MGRN1: variants seen among roughly 807,000 people sequenced by gnomAD.
MGRN1 encodes mahogunin ring finger 1.
In MGRN1, 29 loss-of-function variants were observed where a neutral mutation model predicts 69.2. That is an observed-to-expected ratio of 0.42 (90% CI 0.31 to 0.57). The LOEUF is 0.57. Among genes scored for constraint, MGRN1 ranks in the 20% least tolerant of loss-of-function variants. MGRN1 has a pLI of 0.15. For synonymous variants in MGRN1, 470 were observed against 344.2 expected (o/e 1.37, Z -4.04); for missense variants, 998 against 796.2 (o/e 1.25, Z -3.05).
At chr16:4,630,173 G>A (rs1897926041) in intron 1 of MGRN1, among the ~76,000 whole-genome samples, 1 of 151,546 alleles carries the variant, frequency 6.6e-6, no homozygotes, top group African/African-American at 2.4e-5. Context: ...GCAACATGGT[G>A]AAACTCCATG....
At chr16:4,686,644 A>T in intron 16 of MGRN1, 2 of 1,127,990 alleles carry the variant, frequency 1.8e-6, no homozygotes, top group Non-Finnish European at 2.2e-6. Context: ...GCCACTGTCC[A>T]CTGCGGGAGG....
intron 16 of MGRN1, chr16:4,688,312 C>T: frequency 2.0e-6 from 2 of 987,352 alleles, no homozygotes; most frequent in Non-Finnish European, 1.2e-6. Flanking sequence ...CTGTGGGAGG[C>T]TCCTCTCTTT....
At chr16:4,686,474 C>G in intron 16 of MGRN1, 2 of 1,393,198 alleles carry the variant, frequency 1.4e-6, no homozygotes, top group Non-Finnish European at 1.9e-6. Flanking sequence ...GGCTGCTGCA[C>G]CTTCCCCCAG....
At chr16:4,654,713 C>T (rs2078491101) in intron 4 of MGRN1, among the ~76,000 whole-genome samples, 1 of 152,256 alleles carries the variant, frequency 6.6e-6, no homozygotes, top group African/African-American at 2.4e-5. Context: ...ACCATGTGTC[C>T]TGTGCACAGC....
intron 16 of MGRN1, among the ~76,000 whole-genome samples, chr16:4,684,178 C>T (rs1437084859): frequency 2.0e-5 from 3 of 152,264 alleles, no homozygotes; most frequent in Admixed American, 2.0e-4. Flanking sequence ...AGCCCCTTCC[C>T]TCCCTGGGGC....
At position 4,679,895 on chromosome 16, in the gene MGRN1, C is replaced by T. The variant is rs1052960333; in HGVS notation, c.1066-137C>T. On this transcript the variant is annotated intron_variant, in intron 11 of 16. Transcript: ENST00000262370. The stretch of plus-strand genomic sequence containing the variant: ...AGTCAACCCTCACTTAGGACAGTCC[C>T]GAGATTCACGTCCCCCGGAAGCTTG... The T allele has an allele frequency of 1.3e-5, 11 of 826,066 alleles. No homozygotes were observed. The East Asian group carries it at 1.4e-4, about 11-fold the overall frequency. The allele number at this position is 826,066 out of a possible 1,614,324, so 51.2% of individuals were successfully genotyped here. A position where few individuals can be genotyped will look rare whatever the true frequency, so the allele number is the denominator to read the frequency against.
In MGRN1 at chr16:4,689,460, C is replaced by T. The variant is rs2079408658; in HGVS notation, c.*552C>T. ...GTGTTTGCGCGGCCTCAGTGCCCTC[C>T]CTGGTGCGTCTGCGCTGGGGCCCTC... is the stretch of plus-strand genomic sequence containing the variant. On this transcript the variant is annotated 3_prime_UTR_variant, in exon 17 of 17. Transcript: ENST00000262370. 1 of 153,216 alleles carries T rather than the reference C, an allele frequency of 6.5e-6. No individual in the cohort carries two copies. The highest frequency in any genetic ancestry group is 1.5e-5 in the Non-Finnish European group (1 of 68,532). 9.5% of individuals were successfully genotyped at this position (153,216 alleles called of 1,614,324 possible). A position where few individuals can be genotyped will look rare whatever the true frequency, so the allele number is the denominator to read the frequency against.
Position 4,682,933 on chromosome 16 carries a change from G to A in MGRN1, c.1469G>A (p.Ser490Asn). Residue 490 changes from serine to asparagine, a missense_variant, in exon 14 of 17, where the codon AGC becomes AAC. By Grantham distance (46) the Ser-to-Asn change is conservative. Coordinates refer to ENST00000262370, the MANE Select transcript of MGRN1 (RefSeq NM_015246.4). ...LGGAELALRESSSPESFITEE... is the reference protein window; with the variant it reads ...LGGAELALRENSSPESFITEE... ...GGCGCAGAGCTGGCCCTGCGGGAAA[G>A]CAGCTCCCCTGAGGTGAGGCCCCCC... is the stretch of plus-strand genomic sequence containing the variant. 6.3e-7 allele frequency: 1 copy of A among 1,592,826 alleles called. No individual in the cohort carries two copies. The highest frequency in any genetic ancestry group is 8.6e-7 in the Non-Finnish European group (1 of 1,167,166).
Position 4,652,687 on chromosome 16 carries a change from C to T in MGRN1, c.306C>T (p.Asp102=), listed in dbSNP as rs368778015. 8.1e-6 allele frequency: 13 copies of T among 1,612,500 alleles called. No individual in the cohort carries two copies. The highest frequency in any genetic ancestry group is 1.1e-5 in the South Asian group (1 of 90,922). Residue 102 remains aspartate (D), a synonymous_variant, in exon 4 of 17, where the codon GAC becomes GAT. Transcript: ENST00000262370. ...KDSLRLVRYK[D]DADSPTEDGD... is the part of the protein sequence containing the mutation. ...CCACCGCCTGGGGTAGGTACAAAGACGATGCCGACAGCCCCACCGAGGACG... is the reference window on the plus strand; with the variant it reads ...CCACCGCCTGGGGTAGGTACAAAGATGATGCCGACAGCCCCACCGAGGACG...
At chr16:4,671,671 T>C (rs1275070498) in intron 9 of MGRN1, among the ~76,000 whole-genome samples, 1 of 152,148 alleles carries the variant, frequency 6.6e-6, no homozygotes, top group Non-Finnish European at 1.5e-5. Context: ...CTGATGTAAA[T>C]TGCCATCCAG....
At position 4,690,338 on chromosome 16, in the gene MGRN1, C is replaced by G. The variant is rs1012745678; in HGVS notation, c.*1430C>G. The G allele has an allele frequency of 2.0e-5, 3 of 152,196 alleles. No homozygotes were observed. Among genetic ancestry groups the G allele is most frequent in the Non-Finnish European group, 4.4e-5 (3 of 68,072 alleles). The allele number at this position is 152,196 out of a possible 1,614,324, so 9.4% of individuals were successfully genotyped here. A position where few individuals can be genotyped will look rare whatever the true frequency, so the allele number is the denominator to read the frequency against. On this transcript the variant is annotated 3_prime_UTR_variant, in exon 17 of 17. Coordinates refer to ENST00000262370, the MANE Select transcript of MGRN1 (RefSeq NM_015246.4). ...CTGGGCCAGGCAGGTGTCTGCTGCT[C>G]ACCTGGCTCTGGAGGGCTGCCCTGC... is the stretch of plus-strand genomic sequence containing the variant.
At chr16:4,675,061 C>G (rs2079026945) in intron 10 of MGRN1, among the ~76,000 whole-genome samples, 1 of 152,040 alleles carries the variant, frequency 6.6e-6, no homozygotes. Flanking sequence ...TAACCTCTGC[C>G]TCCCAGGTTC....
At chr16:4,677,273 C>G (rs1307294028) in intron 10 of MGRN1, 190 bp from the exon 11 acceptor site, 1 of 451,090 alleles carries the variant, frequency 2.2e-6, no homozygotes, top group African/African-American at 2.0e-5. Flanking sequence ...CTTTCTTCCC[C>G]CATCTTTCCT....
At chr16:4,631,508 T>G (rs897750398) in intron 1 of MGRN1, among the ~76,000 whole-genome samples, 1 of 152,234 alleles carries the variant, frequency 6.6e-6, no homozygotes, top group Non-Finnish European at 1.5e-5. Flanking sequence ...GGGGCATCTG[T>G]TGGGTAGAGG....
rs374798301 is a variant in MGRN1 at position 4,653,491 on chromosome 16, TGTTTTGTTTTG to T, written c.443+668_443+678del. Among the ~76,000 whole-genome samples the T allele has an allele frequency of 2.6e-3, 397 of 152,236 alleles. 4 individuals are homozygous for T. Among genetic ancestry groups the T allele is most frequent in the African/African-American group, 9.3e-3 (386 of 41,554 alleles). On this transcript the variant is annotated intron_variant, in intron 4 of 16. Transcript: ENST00000262370. ...CAGTTCCAGGTTTTTGTTTTGTTTT[TGTTTTGTTTTG>T]TTTTGAGACGAAGCCTCACTCTGCT...
intron 5 of MGRN1, among the ~76,000 whole-genome samples, chr16:4,662,597 C>T (rs901820855): frequency 5.9e-5 from 9 of 152,230 alleles, no homozygotes; most frequent in Non-Finnish European, 1.0e-4. Context: ...CTGGGTCTGT[C>T]GAGAGGACTT....
At chr16:4,665,019 C>A in intron 6 of MGRN1, 83 bp from the exon 7 acceptor site, 2 of 1,516,160 alleles carry the variant, frequency 1.3e-6, no homozygotes, top group Non-Finnish European at 1.8e-6. Context: ...CTCGGTGCCG[C>A]AGGCCTACCA....
intron 2 of MGRN1, 80 bp from the exon 3 acceptor site, chr16:4,651,883 T>C: frequency 8.0e-7 from 1 of 1,256,934 alleles, no homozygotes; most frequent in Non-Finnish European, 1.2e-6. Context: ...TCTGGGGCTG[T>C]GGCTGCTGCA....
intron 14 of MGRN1, 88 bp from the exon 15 acceptor site, chr16:4,683,136 C>T (rs541365009): frequency 6.4e-7 from 1 of 1,567,076 alleles, no homozygotes; most frequent in Admixed American, 1.7e-5. Context: ...CTGTGCGGTC[C>T]CGGGAGGGCC....
Sources: allele counts gnomAD v4.1 joint callset (sites outside exome capture counted in the v4.1 genomes callset), GRCh38; gene constraint gnomAD v4.1.1; transcripts MANE v1.5; gene names NCBI Gene and HGNC (gene_info 2026-07-23, HGNC 2026-07-21).